Variants in KCNH5 observed in about 807,000 individuals in gnomAD.
KCNH5 encodes potassium voltage-gated channel subfamily H member 5.
Under a neutral mutation model 96.1 loss-of-function variants are expected in KCNH5, and 46 were observed. The observed-to-expected ratio is 0.48, with a 90% CI of 0.38 to 0.61. The LOEUF is 0.61. Among genes scored for constraint, KCNH5 ranks in the 20% least tolerant of loss-of-function variants. The pLI is 0.00. For synonymous variants in KCNH5, 439 were observed against 449.8 expected (o/e 0.98, Z 0.30); for missense variants, 907 against 1,225.8 (o/e 0.74, Z 3.88).
intron 8 of KCNH5, among the ~76,000 whole-genome samples, chr14:62,816,421 C>T (rs1886980035): frequency 6.6e-6 from 1 of 151,942 alleles, no homozygotes; most frequent in South Asian, 2.1e-4. Context: ...CTTCCTTTCA[C>T]TCTCCCACTA....
At chr14:62,815,983 A>G (rs2140012107) in intron 8 of KCNH5, among the ~76,000 whole-genome samples, 1 of 152,068 alleles carries the variant, frequency 6.6e-6, no homozygotes, top group Admixed American at 6.6e-5. Flanking sequence ...TATTACTTCT[A>G]AATCCAAAAA....
chr14:62,925,065 C>T (rs943909282), intron 7 of KCNH5, among the ~76,000 whole-genome samples: 13 of 151,792 alleles, frequency 8.6e-5, no homozygotes, highest in Admixed American at 4.6e-4. Flanking sequence ...TCAATCTGCA[C>T]ATTTTATATA....
chr14:63,003,496 A>ATATATATTTTATATATATTT (rs1257966703), intron 3 of KCNH5, among the ~76,000 whole-genome samples: 4 of 126,626 alleles, frequency 3.2e-5, no homozygotes, highest in Non-Finnish European at 6.3e-5. Flanking sequence ...TATATATTAT[A>ATATATATTTTATATATATTT]TATATATTTT....
chr14:62,722,830 G>A (rs577988380), intron 10 of KCNH5, among the ~76,000 whole-genome samples: 1 of 152,308 alleles, frequency 6.6e-6, no homozygotes, highest in Admixed American at 6.5e-5. Context: ...GAGGCTCAGA[G>A]AAGTTATATG....
At chr14:62,996,385 C>T (rs1191525049) in intron 4 of KCNH5, among the ~76,000 whole-genome samples, 2 of 152,154 alleles carry the variant, frequency 1.3e-5, no homozygotes, top group Non-Finnish European at 2.9e-5. Flanking sequence ...AAAATAAGCT[C>T]ATCTACAGAT....
chr14:62,805,517 T>C lies in KCNH5; in HGVS notation c.1570-2936A>G, dbSNP rs1489102706. Among the ~76,000 whole-genome samples the C allele has an allele frequency of 2.0e-5, 3 of 152,184 alleles. 1 individual carries two copies. The highest frequency in any genetic ancestry group is 4.1e-4 in the South Asian group (2 of 4,828). On this transcript the variant is annotated intron_variant, in intron 8 of 10. Coordinates refer to ENST00000322893, the MANE Select transcript of KCNH5 (RefSeq NM_139318.5). ...GACAGAGCATGTGTGTTACATGATG[T>C]TTTTGTCATCAAAATATAAGTATCT...
chr14:62,905,349 A>G (rs982558512), intron 7 of KCNH5, among the ~76,000 whole-genome samples: 3 of 152,254 alleles, frequency 2.0e-5, no homozygotes, highest in Non-Finnish European at 2.9e-5. Context: ...AACTGAGGCT[A>G]TGGAAGGAGA....
intron 8 of KCNH5, among the ~76,000 whole-genome samples, chr14:62,814,986 A>G (rs1453243267): frequency 2.0e-5 from 3 of 152,100 alleles, no homozygotes; most frequent in Admixed American, 6.6e-5. Flanking sequence ...TGGGTATAGC[A>G]TATATACAGT....
rs549223487 is a variant in KCNH5 at position 62,964,380 on chromosome 14, G to A, written c.943-13821C>T. 2.1e-4 allele frequency among the ~76,000 whole-genome samples: 32 copies of A among 152,094 alleles called. No individual in the cohort carries two copies. In the South Asian group the frequency reaches 6.6e-3, roughly 32 times the overall value. The stretch of plus-strand genomic sequence containing the variant: ...TAGCCCATTACATGCTTTCCAACAT[G>A]TTCACCTCCTCATCACCCCAGTCAT... On this transcript the variant is annotated intron_variant, in intron 6 of 10. Transcript: ENST00000322893.
In KCNH5 at chr14:62,898,752, T is replaced by C. The variant is rs141845190; in HGVS notation, c.1370-48900A>G. 1.9e-4 allele frequency among the ~76,000 whole-genome samples: 29 copies of C among 152,248 alleles called. No individual in the cohort carries two copies. The East Asian group carries it at 5.4e-3, about 28-fold the overall frequency. ...AGTCATTGCTAGACATAAATGCAAA[T>C]ATTGCTAGAGATACAATAATGTAAA... On this transcript the variant is annotated intron_variant, in intron 7 of 10. Transcript: ENST00000322893.
chr14:62,835,130 C>A (rs1887439224), intron 8 of KCNH5, among the ~76,000 whole-genome samples: 3 of 152,004 alleles, frequency 2.0e-5, no homozygotes, highest in Non-Finnish European at 4.4e-5. Flanking sequence ...AATTCAGCTT[C>A]CAAAAGACTC....
chr14:62,767,791 T>C (rs900628214), intron 10 of KCNH5, among the ~76,000 whole-genome samples: 1 of 152,136 alleles, frequency 6.6e-6, no homozygotes, highest in African/African-American at 2.4e-5. Context: ...AGCAAACCTG[T>C]ACATGTACCC....
intron 10 of KCNH5, among the ~76,000 whole-genome samples, chr14:62,774,700 AATAC>A (rs1347286316): frequency 6.6e-6 from 1 of 152,210 alleles, no homozygotes. Flanking sequence ...TGGTTAAATA[AATAC>A]ATACATAAAG....
chr14:62,956,109 A>AC (rs1890098849), intron 6 of KCNH5, among the ~76,000 whole-genome samples: 2 of 152,294 alleles, frequency 1.3e-5, no homozygotes, highest in South Asian at 4.1e-4. Flanking sequence ...TAATCTCTTG[A>AC]ACAGGCCTCC....
chr14:62,894,659 T>C (rs1423711979), intron 7 of KCNH5, among the ~76,000 whole-genome samples: 1 of 152,240 alleles, frequency 6.6e-6, no homozygotes, highest in African/African-American at 2.4e-5. Context: ...ACCAATTCTA[T>C]ATAGCTTTTG....
chr14:62,754,047 T>C (rs1300471177), intron 10 of KCNH5, among the ~76,000 whole-genome samples: 3 of 152,054 alleles, frequency 2.0e-5, no homozygotes, highest in Non-Finnish European at 4.4e-5. Flanking sequence ...TTTCAAGACA[T>C]AGACAGTACA....
rs1016169103 is a variant in KCNH5, at chr14:62,706,683, G to T, written c.*825C>A. 1 of 151,826 alleles carries T rather than the reference G, an allele frequency of 6.6e-6. No individual in the cohort carries two copies. Among genetic ancestry groups the T allele is most frequent in the African/African-American group, 2.4e-5 (1 of 41,340 alleles). 9.4% of individuals were successfully genotyped at this position (151,826 alleles called of 1,614,324 possible). A position where few individuals can be genotyped will look rare whatever the true frequency, so the allele number is the denominator to read the frequency against. ...TTTGGAAATTCAGCATCTCTTACATGAATTGTCAAAAGGCCCTTATACCCT... is the reference window on the plus strand; with the variant it reads ...TTTGGAAATTCAGCATCTCTTACATTAATTGTCAAAAGGCCCTTATACCCT... On this transcript the variant is annotated 3_prime_UTR_variant, in exon 11 of 11. Transcript: ENST00000322893.
At chr14:62,829,521 G>C (rs144071405) in intron 8 of KCNH5, among the ~76,000 whole-genome samples, 4 of 152,182 alleles carry the variant, frequency 2.6e-5, no homozygotes, top group African/African-American at 7.2e-5. Context: ...AGTCACCAAC[G>C]CTTGGGGCTT....
At chr14:62,800,814 A>G (rs1181438577) in intron 9 of KCNH5, among the ~76,000 whole-genome samples, 1 of 152,132 alleles carries the variant, frequency 6.6e-6, no homozygotes, top group Non-Finnish European at 1.5e-5. Flanking sequence ...GGTGAAATGT[A>G]CAACTTTTTA....
Sources: allele counts gnomAD v4.1 joint callset (sites outside exome capture counted in the v4.1 genomes callset), GRCh38; gene constraint gnomAD v4.1.1; transcripts MANE v1.5; gene names NCBI Gene and HGNC (gene_info 2026-07-23, HGNC 2026-07-21).